The following GCNT2 variants were observed in gnomAD, a reference collection of about 807,000 sequenced individuals.
GCNT2 encodes the protein glucosaminyl (N-acetyl) transferase 2 (I blood group), also known as N-acetyllactosaminide beta-1,6-N-acetylglucosaminyl-transferase.
In GCNT2, 34 loss-of-function variants were observed where a neutral mutation model predicts 34.2. The ratio of observed to expected loss-of-function variants is 1.00; its 90% CI spans 0.76 to 1.32. The LOEUF (loss-of-function observed/expected upper bound fraction) is 1.32. Among genes scored for constraint, GCNT2 ranks in the 40% most tolerant of loss-of-function variants. The pLI is 0.00. For missense variants in GCNT2, 584 were observed against 489.4 expected, an observed-to-expected ratio of 1.19 and a Z score of -1.82; for synonymous variants, 212 against 188.0, an observed-to-expected ratio of 1.13 and a Z score of -1.04.
At chr6:10,615,417 T>A (rs1289152981) in intron 3 of GCNT2, among the ~76,000 whole-genome samples, 2 of 152,142 alleles carry the variant, frequency 1.3e-5, no homozygotes, top group Non-Finnish European at 2.9e-5. Flanking sequence ...CATGCTCAGA[T>A]GATCCTTCCA....
chr6:10,618,196 G>T (rs368860328), intron 3 of GCNT2, among the ~76,000 whole-genome samples: 6 of 152,148 alleles, frequency 3.9e-5, no homozygotes, highest in East Asian at 3.8e-4. Flanking sequence ...AATTCAACTT[G>T]TTCTGTTTGC....
chr6:10,585,068 TG>T (rs1561818518), intron 3 of GCNT2, among the ~76,000 whole-genome samples: 67 of 126,438 alleles, frequency 5.3e-4, no homozygotes, highest in African/African-American at 3.1e-3. Context: ...TGTGTGTGTG[TG>T]TGTGTGTGTG....
At chr6:10,620,787 G>T (rs1299520361) in intron 3 of GCNT2, among the ~76,000 whole-genome samples, 2 of 152,124 alleles carry the variant, frequency 1.3e-5, no homozygotes, top group African/African-American at 4.8e-5. Context: ...CATAGACAGG[G>T]TTATTGAAAA....
chr6:10,619,027 G>A (rs1264104127), intron 3 of GCNT2, among the ~76,000 whole-genome samples: 1 of 152,006 alleles, frequency 6.6e-6, no homozygotes, highest in African/African-American at 2.4e-5. Context: ...TGACATCAGG[G>A]CAAAAGAACA....
chr6:10,567,449 G>A (rs1405616605), intron 3 of GCNT2, among the ~76,000 whole-genome samples: 1 of 152,108 alleles, frequency 6.6e-6, no homozygotes, highest in African/African-American at 2.4e-5. Context: ...AGAGCAAGAT[G>A]CTATCTCAAA....
intron 3 of GCNT2, among the ~76,000 whole-genome samples, chr6:10,539,126 G>T (rs1467171298): frequency 6.7e-6 from 1 of 148,290 alleles, no homozygotes; most frequent in Admixed American, 6.8e-5. Flanking sequence ...TCACTGGTGG[G>T]GTTTAGAAAC....
chr6:10,554,378 G>A (rs1041410809), intron 3 of GCNT2, among the ~76,000 whole-genome samples: 2 of 152,118 alleles, frequency 1.3e-5, no homozygotes, highest in African/African-American at 2.4e-5. Context: ...GAAGTATTAC[G>A]AACATTCCTA....
intron 4 of GCNT2, among the ~76,000 whole-genome samples, chr6:10,624,019 C>T (rs6919963): frequency 0.094 from 14,311 of 152,174 alleles, 1,076 homozygotes; most frequent in African/African-American, 0.21. Flanking sequence ...GTTTGTACTT[C>T]CCTAGGCAGA....
chr6:10,545,227 G>C (rs938399236), intron 3 of GCNT2, among the ~76,000 whole-genome samples: 7 of 152,012 alleles, frequency 4.6e-5, no homozygotes, highest in Non-Finnish European at 1.0e-4. Context: ...TGAAGTCCTA[G>C]TTGGTGCCTT....
At chr6:10,553,498 A>T (rs1271487625) in intron 3 of GCNT2, among the ~76,000 whole-genome samples, 1 of 152,100 alleles carries the variant, frequency 6.6e-6, no homozygotes, top group Non-Finnish European at 1.5e-5. Context: ...TTTGATTATT[A>T]TTTTTTTAAT....
intron 3 of GCNT2, among the ~76,000 whole-genome samples, chr6:10,552,161 C>T (rs1056638280): frequency 2.0e-5 from 3 of 152,094 alleles, no homozygotes; most frequent in African/African-American, 7.2e-5. Flanking sequence ...TGATTGGGCC[C>T]CCGGAGAAGC....
intron 3 of GCNT2, among the ~76,000 whole-genome samples, chr6:10,607,485 C>T (rs1765371931): frequency 6.6e-6 from 1 of 152,128 alleles, no homozygotes; most frequent in African/African-American, 2.4e-5. Context: ...GATCCAATCA[C>T]CTCCCACCCA....
intron 3 of GCNT2, among the ~76,000 whole-genome samples, chr6:10,576,551 C>T (rs1052507524): frequency 2.0e-5 from 3 of 151,982 alleles, no homozygotes; most frequent in Non-Finnish European, 2.9e-5. Flanking sequence ...TTCAAGGAGG[C>T]TGGAATTCAG....
At chr6:10,532,257 T>G (rs1761530244) in intron 3 of GCNT2, among the ~76,000 whole-genome samples, 1 of 152,198 alleles carries the variant, frequency 6.6e-6, no homozygotes, top group African/African-American at 2.4e-5. Flanking sequence ...CGACTCGATG[T>G]ATCTATTGGA....
chr6:10,597,041 G>T (rs142467777), intron 3 of GCNT2, among the ~76,000 whole-genome samples: 1 of 151,796 alleles, frequency 6.6e-6, no homozygotes, highest in Non-Finnish European at 1.5e-5. Context: ...TTAACAGCTT[G>T]TCAGTCACTG....
At chr6:10,610,835 G>C (rs535995796) in intron 3 of GCNT2, among the ~76,000 whole-genome samples, 11 of 152,256 alleles carry the variant, frequency 7.2e-5, no homozygotes, top group African/African-American at 2.6e-4. Context: ...CTAGGCTGTA[G>C]TTCACATAGC....
At chr6:10,564,677 T>C (rs1039521870) in intron 3 of GCNT2, among the ~76,000 whole-genome samples, 1 of 152,244 alleles carries the variant, frequency 6.6e-6, no homozygotes, top group African/African-American at 2.4e-5. Context: ...GTACCTGACT[T>C]TTGTGTCTCA....
chr6:10,558,171 G>C (rs976657777), intron 3 of GCNT2, among the ~76,000 whole-genome samples: 3 of 152,156 alleles, frequency 2.0e-5, no homozygotes, highest in African/African-American at 7.2e-5. Flanking sequence ...GCATGGGTTT[G>C]TTCTTGGTCT....
chr6:10,613,375 T>A (rs1765635919), intron 3 of GCNT2, among the ~76,000 whole-genome samples: 1 of 147,552 alleles, frequency 6.8e-6, no homozygotes, highest in South Asian at 2.1e-4. Flanking sequence ...CAGATAATAT[T>A]GACTTTTTTT....
Sources: gnomAD v4.1 joint callset for allele counts (sites outside exome capture counted in the v4.1 genomes callset) on GRCh38, gnomAD v4.1.1 for gene constraint, MANE v1.5 for transcripts, NCBI Gene and HGNC (gene_info 2026-07-23, HGNC 2026-07-21) for gene names.